The following GIGYF2 variants were observed in gnomAD, a reference collection of about 807,000 sequenced individuals.
GIGYF2 encodes the protein GRB10-interacting GYF protein 2.
A neutral mutation model predicts 208.1 loss-of-function variants in GIGYF2; 25 were observed. The ratio of observed to expected loss-of-function variants is 0.12; its 90% confidence interval spans 0.09 to 0.17. The LOEUF is 0.17. Among genes scored for constraint, GIGYF2 ranks in the 10% least tolerant of loss-of-function variants. The pLI, the probability that GIGYF2 is intolerant of heterozygous loss-of-function variation, is 1.00. For missense variants in GIGYF2, 1,302 were observed against 1,579.4 expected, an observed-to-expected ratio of 0.82 and a Z score of 2.98; for synonymous variants, 534 against 543.8, an observed-to-expected ratio of 0.98 and a Z score of 0.25.
chr2:232,734,612 A>C (rs1396244544), intron 2 of GIGYF2: 3 of 153,046 alleles, frequency 2.0e-5, no homozygotes, highest in African/African-American at 7.2e-5. Flanking sequence ...GACCAGCTTG[A>C]GCAACATAGT....
At chr2:232,711,813 TC>T (rs944586784) in intron 2 of GIGYF2, among the ~76,000 whole-genome samples, 2 of 150,850 alleles carry the variant, frequency 1.3e-5, no homozygotes, top group African/African-American at 4.8e-5. Flanking sequence ...GTGTTTTTTT[TC>T]TTTTTTTGTA....
chr2:232,836,325 T>C lies in GIGYF2; in HGVS notation c.2766+3232T>C, dbSNP rs867069803. Among the ~76,000 whole-genome samples, 84 of 20,484 alleles carry C rather than the reference T, an allele frequency of 4.1e-3. 17 individuals carry two copies. Among genetic ancestry groups the C allele is most frequent in the African/African-American group, 0.012 (72 of 6,126 alleles). The allele number at this position is 20,484 out of a possible 152,430, so 13.4% of individuals were successfully genotyped here. A position where few individuals can be genotyped will look rare whatever the true frequency, so the allele number is the denominator to read the frequency against. ...ATATATATATATATATATATATATA[T>C]ATATACATATATATACTTATATATT... On this transcript the variant is annotated intron_variant, in intron 22 of 28. Transcript: ENST00000373563.
At chr2:232,813,634 C>G (rs1216762149) in intron 18 of GIGYF2, among the ~76,000 whole-genome samples, 1 of 152,132 alleles carries the variant, frequency 6.6e-6, no homozygotes, top group Non-Finnish European at 1.5e-5. Context: ...TGGAGTTTTT[C>G]TAGAGCTGTT....
intron 8 of GIGYF2, among the ~76,000 whole-genome samples, chr2:232,785,043 C>A (rs1488660918): frequency 6.6e-6 from 1 of 151,948 alleles, no homozygotes; most frequent in Non-Finnish European, 1.5e-5. Flanking sequence ...TGGTGCCATG[C>A]TTGTATAGTC....
chr2:232,723,609 T>C (rs1164402580), intron 2 of GIGYF2, among the ~76,000 whole-genome samples: 1 of 151,882 alleles, frequency 6.6e-6, no homozygotes, highest in Non-Finnish European at 1.5e-5. Flanking sequence ...TTTGTGTTTT[T>C]AGTAGAGACG....
At chr2:232,726,749 C>T (rs1697219858) in intron 2 of GIGYF2, among the ~76,000 whole-genome samples, 1 of 152,138 alleles carries the variant, frequency 6.6e-6, no homozygotes, top group African/African-American at 2.4e-5. Flanking sequence ...ATAGATCTTG[C>T]CCGCTCCATA....
In GIGYF2 at chr2:232,847,517, ACAGCAGCAGCAG is replaced by A; in HGVS notation, c.3638_3649del (p.Gln1213_Gln1216del). The stretch of plus-strand genomic sequence containing the variant: ...AGCAGCGTCAGCAGCAGCAGCTGCC[ACAGCAGCAGCAG>A]CAGCAGCCGCCACAGCAGCCGCCAC... On this transcript the variant is annotated inframe_deletion, in exon 27 of 29. Transcript: ENST00000373563. 1 of 415,918 alleles carries A rather than the reference ACAGCAGCAGCAG, an allele frequency of 2.4e-6. No homozygotes were observed. The highest frequency in any genetic ancestry group is 1.9e-5 in the South Asian group (1 of 51,648). 25.8% of individuals were successfully genotyped at this position (415,918 alleles called of 1,614,324 possible).
intron 3 of GIGYF2, among the ~76,000 whole-genome samples, chr2:232,741,263 T>G (rs1375911476): frequency 6.6e-6 from 1 of 152,178 alleles, no homozygotes; most frequent in African/African-American, 2.4e-5. Flanking sequence ...ATAATTCCTT[T>G]TACTTCTCTG....
rs1207285535 is a variant in GIGYF2, at chr2:232,772,128, G to A, written c.532+10692G>A. ...CTGGGCTCAATATATTGCCTAGGCTGGTCTCAGACTCCTGTTCTCAAGCCA... is the reference window on the plus strand; with the variant it reads ...CTGGGCTCAATATATTGCCTAGGCTAGTCTCAGACTCCTGTTCTCAAGCCA... On this transcript the variant is annotated intron_variant, in intron 8 of 28. Coordinates refer to ENST00000373563, the MANE Select transcript of GIGYF2 (RefSeq NM_001103146.3). 2.0e-5 allele frequency among the ~76,000 whole-genome samples: 3 copies of A among 152,226 alleles called. 1 individual carries two copies. The East Asian group carries it at 5.8e-4, about 29-fold the overall frequency.
At chr2:232,751,703 T>C (rs1319464093) in intron 5 of GIGYF2, among the ~76,000 whole-genome samples, 1 of 152,210 alleles carries the variant, frequency 6.6e-6, no homozygotes, top group Non-Finnish European at 1.5e-5. Flanking sequence ...GAGGACATGC[T>C]ACTAGTTACC....
chr2:232,813,224 C>T (rs1700791672), intron 18 of GIGYF2, among the ~76,000 whole-genome samples: 1 of 142,856 alleles, frequency 7.0e-6, no homozygotes. Context: ...GACTCTTGCA[C>T]TGTTGCCCGG....
rs1698539732 is a variant in GIGYF2 at position 232,756,299 on chromosome 2, G to C, written c.344G>C (p.Gly115Ala). ...TGRGGGGTVVGAPRGRSSSRG... is the reference protein window; with the variant it reads ...TGRGGGGTVVAAPRGRSSSRG... Reference sequence around the variant, plus strand: ...CGAGGAGGAGGAGGAACAGTGGTGGGGGCTCCTAGAGGTCGAAGTTCTTCA... The same window carrying C: ...CGAGGAGGAGGAGGAACAGTGGTGGCGGCTCCTAGAGGTCGAAGTTCTTCA... The change falls in exon 6 of 29, where the codon GGG (glycine) becomes GCG (alanine). Residue 115 changes from glycine to alanine, a missense_variant. Gly to Ala is a moderately conservative substitution (Grantham distance 60). Transcript: ENST00000373563. The C allele has an allele frequency of 6.3e-7, 1 of 1,585,598 alleles. No homozygotes were observed. The highest frequency in any genetic ancestry group is 8.6e-7 in the Non-Finnish European group (1 of 1,169,050).
intron 8 of GIGYF2, among the ~76,000 whole-genome samples, chr2:232,777,798 ATG>A (rs1699575680): frequency 1.3e-5 from 2 of 152,126 alleles, no homozygotes. Context: ...AGGAATTATA[ATG>A]TGTATCAATT....
chr2:232,799,723 C>T (rs1291530656), intron 14 of GIGYF2, among the ~76,000 whole-genome samples: 1 of 151,986 alleles, frequency 6.6e-6, no homozygotes, highest in Non-Finnish European at 1.5e-5. Flanking sequence ...TACTATTTTC[C>T]ACAGTGACTA....
intron 5 of GIGYF2, among the ~76,000 whole-genome samples, chr2:232,751,274 T>C (rs181586233): frequency 1.3e-5 from 2 of 152,332 alleles, no homozygotes; most frequent in Admixed American, 6.5e-5. Flanking sequence ...TAGTGCAGTG[T>C]CACAGTCTCG....
At chr2:232,749,950 C>T (rs901976267) in intron 5 of GIGYF2, among the ~76,000 whole-genome samples, 3 of 151,970 alleles carry the variant, frequency 2.0e-5, no homozygotes, top group Admixed American at 6.6e-5. Flanking sequence ...TTTGGGAGGC[C>T]GAGGTGGGCG....
At chr2:232,738,885 A>G (rs1221354532) in intron 3 of GIGYF2, among the ~76,000 whole-genome samples, 1 of 152,182 alleles carries the variant, frequency 6.6e-6, no homozygotes, top group African/African-American at 2.4e-5. Flanking sequence ...TATGAATTGA[A>G]TTGTCATCTC....
chr2:232,747,618 C>G lies in GIGYF2; in HGVS notation c.45C>G (p.Leu15=). 6.2e-7 allele frequency: 1 copy of G among 1,614,016 alleles called. No homozygotes were observed. Among genetic ancestry groups the G allele is most frequent in the Non-Finnish European group, 8.5e-7 (1 of 1,179,928 alleles). The change falls in exon 4 of 29, where the codon CTC becomes CTG. Residue 15 remains leucine, a synonymous_variant. Transcript: ENST00000373563. ...TTCTCTGTCTTTTCTATTCTAGGCT[C>G]CGAGCTCTGTCCAGTGGTGGGAGTA... is the stretch of plus-strand genomic sequence containing the variant. The part of the protein sequence containing the change: ...TQTLNFGPEW[L]RALSSGGSIT...
Position 232,801,941 on chromosome 2 carries a change from A to T in GIGYF2, c.1640-4550A>T, listed in dbSNP as rs182118607. On this transcript the variant is annotated intron_variant, in intron 14 of 28. Transcript: ENST00000373563. ...GTGTTTCCATTTATTTAGGTCTTTAATTTCTTTTAGCAGTGTTTTGTAGTT... is the reference window on the plus strand; with the variant it reads ...GTGTTTCCATTTATTTAGGTCTTTATTTTCTTTTAGCAGTGTTTTGTAGTT... 7.2e-5 allele frequency among the ~76,000 whole-genome samples: 11 copies of T among 152,240 alleles called. 1 individual carries two copies. The highest frequency in any genetic ancestry group is 2.6e-4 in the African/African-American group (11 of 41,530).
Sources: gnomAD v4.1 joint callset for allele counts (sites outside exome capture counted in the v4.1 genomes callset) on GRCh38, gnomAD v4.1.1 for gene constraint, MANE v1.5 for transcripts, NCBI Gene and HGNC (gene_info 2026-07-23, HGNC 2026-07-21) for gene names.